The following BAZ2B variants were observed in gnomAD, a reference collection of about 807,000 sequenced individuals.
BAZ2B encodes bromodomain adjacent to zinc finger domain protein 2B.
In BAZ2B, 91 loss-of-function variants were observed where a neutral mutation model predicts 246.0. The observed-to-expected ratio is 0.37, with a 90% CI of 0.31 to 0.44. The LOEUF (loss-of-function observed/expected upper bound fraction) is 0.44, where lower values mean the gene tolerates loss of function less well. BAZ2B is among the 20% of genes least tolerant of loss of function. BAZ2B has a pLI of 1.00. For missense variants in BAZ2B, 2,332 were observed against 2,533.7 expected, an observed-to-expected ratio of 0.92 and a Z score of 1.71; for synonymous variants, 855 against 860.0, an observed-to-expected ratio of 0.99 and a Z score of 0.10.
the BAZ2B span, among the ~76,000 whole-genome samples, chr2:159,705,528 TCTTTCTAATTACAGAATTAGC>T: frequency 1.3e-5 from 2 of 152,248 alleles, no homozygotes; most frequent in African/African-American, 2.4e-5. Flanking sequence ...ACAAAGGTGG[TCTTTCTAATTACAGAATTAGC>T]CTTTCTAATT....
the BAZ2B span, among the ~76,000 whole-genome samples, chr2:159,680,681 T>C: frequency 1.1e-4 from 16 of 152,336 alleles, no homozygotes; most frequent in African/African-American, 3.8e-4. Flanking sequence ...AGGCTCACTA[T>C]TTGAAACTAC....
At chr2:159,437,041 T>C (rs950592669) in intron 8 of BAZ2B, among the ~76,000 whole-genome samples, 3 of 152,182 alleles carry the variant, frequency 2.0e-5, no homozygotes, top group African/African-American at 4.8e-5. Context: ...TAAATGAGGA[T>C]AATATTAGTA....
rs181361994 is a variant in BAZ2B at position 159,386,079 on chromosome 2, T to C, written c.3471+274A>G. Among the ~76,000 whole-genome samples, 398 of 152,256 alleles carry C rather than the reference T, an allele frequency of 2.6e-3. 1 individual carries two copies. The highest frequency in any genetic ancestry group is 9.3e-3 in the African/African-American group (387 of 41,550). On this transcript the variant is annotated intron_variant, in intron 22 of 36. Transcript: ENST00000392783. ...TATGAATTATGAATTCTGTTGTTGA[T>C]GAATATCGCTTAAGGATTTCCTTAA...
intron 1 of BAZ2B, among the ~76,000 whole-genome samples, chr2:159,606,307 A>C (rs993057610): frequency 7.6e-6 from 1 of 132,388 alleles, no homozygotes; most frequent in Non-Finnish European, 1.8e-5. Context: ...AAGAGATTTG[A>C]CCCACAACTC....
At chr2:159,448,183 T>C in intron 5 of BAZ2B, 59 bp downstream of exon 5, 2 of 1,557,252 alleles carry the variant, frequency 1.3e-6, no homozygotes, top group Non-Finnish European at 1.7e-6. Flanking sequence ...ACCTGAACAT[T>C]ATGAAAATAA....
At chr2:159,617,774 GAAA>G (rs200827888), upstream of BAZ2B, among the ~76,000 whole-genome samples, 7 of 144,504 alleles carry the variant, frequency 4.8e-5, no homozygotes. Context: ...GCTTCATTAG[GAAA>G]AAAAAAAAGC....
intron 33 of BAZ2B, 153 bp from the exon 34 acceptor site, chr2:159,332,839 C>T (rs2065006693): frequency 5.9e-6 from 5 of 843,492 alleles, no homozygotes; most frequent in African/African-American, 1.7e-5. Flanking sequence ...ATGTATCTTT[C>T]GTTACACAGA....
At chr2:159,417,172 T>A (rs890031516) in intron 13 of BAZ2B, among the ~76,000 whole-genome samples, 4 of 150,792 alleles carry the variant, frequency 2.7e-5, no homozygotes. Flanking sequence ...GGTTTTTTTT[T>A]TTGTTTTTTT....
intron 27 of BAZ2B, among the ~76,000 whole-genome samples, chr2:159,367,461 A>G (rs1459969648): frequency 1.3e-5 from 2 of 152,214 alleles, no homozygotes; most frequent in Admixed American, 1.3e-4. Flanking sequence ...CCAATGTCTG[A>G]TATCTTCTCC....
At chr2:159,471,854 T>C (rs561898175) in intron 3 of BAZ2B, among the ~76,000 whole-genome samples, 23 of 152,276 alleles carry the variant, frequency 1.5e-4, no homozygotes, top group Non-Finnish European at 2.5e-4. Flanking sequence ...TATTCTTACA[T>C]AGAACAGGAT....
At chr2:159,377,554 C>A (rs541854710) in intron 25 of BAZ2B, among the ~76,000 whole-genome samples, 2 of 152,142 alleles carry the variant, frequency 1.3e-5, no homozygotes, top group Non-Finnish European at 2.9e-5. Context: ...GTGGCTCATG[C>A]CTGTAATCCC....
At chr2:159,340,527 T>C (rs1199422708) in intron 31 of BAZ2B, among the ~76,000 whole-genome samples, 1 of 152,036 alleles carries the variant, frequency 6.6e-6, no homozygotes. Flanking sequence ...TCTGAAAGCA[T>C]TAACAGTGTC....
At chr2:159,470,547 C>T (rs949577871) in intron 3 of BAZ2B, among the ~76,000 whole-genome samples, 1 of 152,170 alleles carries the variant, frequency 6.6e-6, no homozygotes, top group African/African-American at 2.4e-5. Context: ...AAAAGCAGGG[C>T]AAGCATAGAA....
chr2:159,702,308 T>C, the BAZ2B span, among the ~76,000 whole-genome samples: 1 of 152,230 alleles, frequency 6.6e-6, no homozygotes, highest in Non-Finnish European at 1.5e-5. Context: ...CTATGTAGCT[T>C]TCTTCTAAGC....
At chr2:159,421,272 T>G (rs1266113411) in intron 13 of BAZ2B, among the ~76,000 whole-genome samples, 1 of 152,072 alleles carries the variant, frequency 6.6e-6, no homozygotes, top group African/African-American at 2.4e-5. Context: ...ACTCGTGGGC[T>G]AAAGCAGTCC....
intron 1 of BAZ2B, among the ~76,000 whole-genome samples, chr2:159,603,671 CAA>C (rs34699245): frequency 7.0e-6 from 1 of 142,436 alleles, no homozygotes. Flanking sequence ...CTCCTCCTTA[CAA>C]AAAAAAAAAC....
chr2:159,610,099 C>T (rs978390021), intron 1 of BAZ2B, among the ~76,000 whole-genome samples: 4 of 152,116 alleles, frequency 2.6e-5, no homozygotes, highest in African/African-American at 9.7e-5. Context: ...CAATGTCAAT[C>T]ATTGGTACAT....
intron 17 of BAZ2B, among the ~76,000 whole-genome samples, chr2:159,400,179 A>G (rs1482432785): frequency 6.6e-6 from 1 of 152,236 alleles, no homozygotes; most frequent in Admixed American, 6.5e-5. Context: ...GCTAGAAACC[A>G]GAAAAACAAT....
chr2:159,656,903 G>A, the BAZ2B span, among the ~76,000 whole-genome samples: 80 of 152,032 alleles, frequency 5.3e-4, no homozygotes, highest in African/African-American at 1.9e-3. Context: ...CATCAGATAC[G>A]TATTTTGCAA....
Sources: allele counts gnomAD v4.1 joint callset (sites outside exome capture counted in the v4.1 genomes callset), GRCh38; gene constraint gnomAD v4.1.1; transcripts MANE v1.5; gene names NCBI Gene and HGNC (gene_info 2026-07-23, HGNC 2026-07-21).